MYOCD: variants seen among roughly 807,000 people sequenced by gnomAD.
The protein encoded by MYOCD is myocardin.
MYOCD carries 32 observed loss-of-function variants against 96.1 expected under a neutral mutation model. The ratio of observed to expected loss-of-function variants is 0.33; its 90% CI spans 0.25 to 0.45. The LOEUF (loss-of-function observed/expected upper bound fraction) is 0.45. Among genes scored for constraint, MYOCD ranks in the 20% least tolerant of loss-of-function variants. The probability of loss-of-function intolerance (pLI) is 1.00; values close to 1 mark genes in which losing one functional copy is unlikely to be tolerated. For missense variants in MYOCD, 1,133 were observed against 1,200.6 expected, an observed-to-expected ratio of 0.94 and a Z score of 0.83; for synonymous variants, 469 against 469.0, an observed-to-expected ratio of 1.00 and a Z score of 0.00.
chr17:12,696,912 T>C (rs2030778748), intron 1 of MYOCD, among the ~76,000 whole-genome samples: 1 of 152,140 alleles, frequency 6.6e-6, no homozygotes. Flanking sequence ...AAGGGAGGAA[T>C]AGGATGAGCC....
At position 12,730,986 on chromosome 17, in the gene MYOCD, G is replaced by A. The variant is rs368168614; in HGVS notation, c.416-5175G>A. ...CTGATCACTTCCAAGAGGGAGAGGAGAGGCTCCGAGTCACCAGCCCAAGAT... is the reference window on the plus strand; with the variant it reads ...CTGATCACTTCCAAGAGGGAGAGGAAAGGCTCCGAGTCACCAGCCCAAGAT... On this transcript the variant is annotated intron_variant, in intron 5 of 13. Transcript: ENST00000425538. Among the ~76,000 whole-genome samples, 79 of 152,286 alleles carry A rather than the reference G, an allele frequency of 5.2e-4. No homozygotes were observed. The East Asian group carries it at 5.2e-3, about 10-fold the overall frequency.
At chr17:12,698,351 A>T (rs549206213) in intron 1 of MYOCD, among the ~76,000 whole-genome samples, 1 of 152,324 alleles carries the variant, frequency 6.6e-6, no homozygotes, top group African/African-American at 2.4e-5. Context: ...ACACACATGC[A>T]AGCAACATTT....
chr17:12,727,322 T>C (rs1010042663), intron 5 of MYOCD, among the ~76,000 whole-genome samples: 23 of 152,270 alleles, frequency 1.5e-4, no homozygotes, highest in Non-Finnish European at 1.5e-5. Context: ...TAAATGTGCC[T>C]GAGTTTTTAG....
At position 12,736,163 on chromosome 17, in the gene MYOCD, A is replaced by T. The variant is rs766783225; in HGVS notation, c.418A>T (p.Asn140Tyr). ...GTTCCTGGATTTCACCCCCTCAGGTAACCAGGTGAGTTTCTCCAAATCCAC... is the reference window on the plus strand; with the variant it reads ...GTTCCTGGATTTCACCCCCTCAGGTTACCAGGTGAGTTTCTCCAAATCCAC... ...DSAVKEAIKGNQVSFSKSTDA... is the reference protein window; with the variant it reads ...DSAVKEAIKGYQVSFSKSTDA... The change falls in exon 6 of 14, where the codon AAC becomes TAC. Residue 140 changes from asparagine to tyrosine, a missense_variant and splice_region_variant. Physicochemically the swap from Asn to Tyr is moderately radical, Grantham distance 143. Transcript: ENST00000425538. 1 of 1,613,932 alleles carries T rather than the reference A, an allele frequency of 6.2e-7. No homozygotes were observed. The highest frequency in any genetic ancestry group is 8.5e-7 in the Non-Finnish European group (1 of 1,179,892).
chr17:12,698,980 G>C (rs1175168396), intron 1 of MYOCD, among the ~76,000 whole-genome samples: 1 of 151,618 alleles, frequency 6.6e-6, no homozygotes, highest in Non-Finnish European at 1.5e-5. Context: ...CTGACCTCAT[G>C]ATCTGCCCGC....
chr17:12,696,368 T>C (rs1024331634), intron 1 of MYOCD, among the ~76,000 whole-genome samples: 3 of 152,172 alleles, frequency 2.0e-5, no homozygotes, highest in African/African-American at 7.2e-5. Context: ...AGAATAATGC[T>C]GCTATGAGGG....
intron 1 of MYOCD, among the ~76,000 whole-genome samples, chr17:12,695,469 T>A (rs1375361387): frequency 6.6e-6 from 1 of 152,132 alleles, no homozygotes; most frequent in African/African-American, 2.4e-5. Flanking sequence ...AGCAGATAAA[T>A]ATGTTTTCTC....
chr17:12,707,626 A>G (rs1371555552), intron 2 of MYOCD, among the ~76,000 whole-genome samples: 5 of 152,220 alleles, frequency 3.3e-5, no homozygotes, highest in African/African-American at 1.2e-4. Flanking sequence ...AGGCAGGAGA[A>G]TGGCGTGAAC....
At chr17:12,680,842 A>G (rs1209643144) in intron 1 of MYOCD, among the ~76,000 whole-genome samples, 1 of 152,204 alleles carries the variant, frequency 6.6e-6, no homozygotes, top group Non-Finnish European at 1.5e-5. Context: ...GAACACTTGT[A>G]GTGACAGTGT....
chr17:12,734,581 G>GCTGA (rs1177791381), intron 5 of MYOCD, among the ~76,000 whole-genome samples: 4 of 126,224 alleles, frequency 3.2e-5, no homozygotes, highest in African/African-American at 1.2e-4. Flanking sequence ...TGTGATCTCT[G>GCTGA]CTGACTGCAA....
intron 1 of MYOCD, among the ~76,000 whole-genome samples, chr17:12,700,559 A>C (rs138793434): frequency 2.0e-5 from 3 of 149,294 alleles, no homozygotes; most frequent in Admixed American, 2.0e-4. Flanking sequence ...GACTACAGGC[A>C]CCCCCCACCA....
At chr17:12,681,986 T>C (rs908818019) in intron 1 of MYOCD, among the ~76,000 whole-genome samples, 7 of 152,174 alleles carry the variant, frequency 4.6e-5, no homozygotes, top group African/African-American at 1.4e-4. Context: ...AAGGAGCAAA[T>C]TGAGCTCAGG....
At chr17:12,742,837 G>T (rs1464156812) in intron 7 of MYOCD, among the ~76,000 whole-genome samples, 1 of 152,062 alleles carries the variant, frequency 6.6e-6, no homozygotes, top group African/African-American at 2.4e-5. Flanking sequence ...CTCCCAAAGT[G>T]CTGGGATTAC....
chr17:12,672,453 G>A (rs532250519), intron 1 of MYOCD, among the ~76,000 whole-genome samples: 50 of 152,328 alleles, frequency 3.3e-4, no homozygotes, highest in African/African-American at 1.2e-3. Flanking sequence ...AAGTCAAGCT[G>A]TCAAGCTTTA....
intron 5 of MYOCD, among the ~76,000 whole-genome samples, chr17:12,725,231 A>G (rs1003683339): frequency 1.3e-5 from 2 of 151,726 alleles, no homozygotes; most frequent in Non-Finnish European, 2.9e-5. Context: ...TTTCTGCTTC[A>G]TTTTTATTTT....
intron 7 of MYOCD, among the ~76,000 whole-genome samples, chr17:12,742,950 C>T (rs1158664829): frequency 6.6e-6 from 1 of 152,088 alleles, no homozygotes; most frequent in Non-Finnish European, 1.5e-5. Flanking sequence ...ATTTCAGGAG[C>T]AGGTTATAGA....
intron 8 of MYOCD, among the ~76,000 whole-genome samples, chr17:12,745,259 G>C (rs1597801671): frequency 6.6e-6 from 1 of 151,924 alleles, no homozygotes; most frequent in East Asian, 1.9e-4. Flanking sequence ...GCCCAGGCTG[G>C]AGTGCAATGG....
intron 1 of MYOCD, among the ~76,000 whole-genome samples, chr17:12,682,900 C>T (rs1460903377): frequency 6.6e-6 from 1 of 152,174 alleles, no homozygotes. Context: ...TCATATGGAA[C>T]CTCTTTGTTT....
intron 1 of MYOCD, among the ~76,000 whole-genome samples, chr17:12,688,490 C>A (rs965955754): frequency 2.0e-5 from 3 of 149,342 alleles, no homozygotes; most frequent in African/African-American, 7.5e-5. Flanking sequence ...TTCCTTCCTT[C>A]CATCTCCTTT....
Sources: gnomAD v4.1 joint callset for allele counts (sites outside exome capture counted in the v4.1 genomes callset) on GRCh38, gnomAD v4.1.1 for gene constraint, MANE v1.5 for transcripts, NCBI Gene and HGNC (gene_info 2026-07-23, HGNC 2026-07-21) for gene names.